Variants in SLK observed in about 807,000 individuals in gnomAD.
The protein encoded by SLK is STE20-like serine/threonine-protein kinase.
Under a neutral mutation model 147.7 loss-of-function variants are expected in SLK, and 67 were observed. The ratio of observed to expected loss-of-function variants is 0.45; its 90% CI spans 0.37 to 0.56. The LOEUF is 0.56. Ranked by LOEUF, SLK falls within the 20% of genes least tolerant of loss-of-function variation. SLK has a pLI of 0.00. For missense variants in SLK, 1,136 were observed against 1,438.8 expected (o/e 0.79, Z 3.41); for synonymous variants, 441 against 475.0 (o/e 0.93, Z 0.93).
chr10:103,996,149 C>T (rs1844169112), intron 4 of SLK, among the ~76,000 whole-genome samples: 1 of 152,140 alleles, frequency 6.6e-6, no homozygotes, highest in East Asian at 1.9e-4. Context: ...ATAGTGATAA[C>T]AGTTGTACCC....
rs1416812760 is a variant in SLK at position 104,028,870 on chromosome 10, T to C, written c.*3150T>C. The C allele has an allele frequency of 3.3e-5, 5 of 152,356 alleles. No homozygotes were observed. Among genetic ancestry groups the C allele is most frequent in the African/African-American group, 9.6e-5 (4 of 41,580 alleles). The allele number at this position is 152,356 out of a possible 1,614,324, so 9.4% of individuals were successfully genotyped here. On this transcript the variant is annotated 3_prime_UTR_variant, in exon 19 of 19. Coordinates refer to ENST00000369755, the MANE Select transcript of SLK (RefSeq NM_014720.4). Reference sequence around the variant, plus strand: ...TGAAAGAAGAGAGTTCCAGTTCTAATAGTCTTTTGATTAACAATTCTTTTC... The same window carrying C: ...TGAAAGAAGAGAGTTCCAGTTCTAACAGTCTTTTGATTAACAATTCTTTTC...
At position 104,018,906 on chromosome 10, in the gene SLK, A is replaced by G; in HGVS notation, c.3130A>G (p.Lys1044Glu). The change falls in exon 15 of 19, where the codon AAG becomes GAG. Residue 1044 changes from lysine to glutamate, a missense_variant and splice_region_variant. Transcript: ENST00000369755. ...QRHQLLKRHE[K>E]ETEQMQRYNQ... ...ACATCAGCTACTTAAGCGCCACGAG[A>G]AGGTTAATGAAAGGAAAATTTCTTC... 4 of 1,561,754 alleles carry G rather than the reference A, an allele frequency of 2.6e-6. No homozygotes were observed. Among genetic ancestry groups the G allele is most frequent in the Non-Finnish European group, 2.6e-6 (3 of 1,159,002 alleles).
In SLK at chr10:103,997,936, A is replaced by G. The variant is rs564449764; in HGVS notation, c.515-963A>G. On this transcript the variant is annotated intron_variant, in intron 4 of 18. Coordinates refer to ENST00000369755, the MANE Select transcript of SLK (RefSeq NM_014720.4). ...AATGTGTACCTTATCAATATACTGA[A>G]GGTTTAGGAATTGTAAAATAATATT... Among the ~76,000 whole-genome samples, 35 of 152,304 alleles carry G rather than the reference A, an allele frequency of 2.3e-4. 1 individual carries two copies. The highest frequency in any genetic ancestry group is 4.9e-4 in the Non-Finnish European group (33 of 68,018).
At position 104,003,498 on chromosome 10, in the gene SLK, A is replaced by G; in HGVS notation, c.2320A>G (p.Thr774Ala). 3 of 1,591,384 alleles carry G rather than the reference A, an allele frequency of 1.9e-6. No homozygotes were observed. Among genetic ancestry groups the G allele is most frequent in the Non-Finnish European group, 2.6e-6 (3 of 1,170,134 alleles). ...NLSISSFLSKTKDSGSISLQE... is the reference protein window; with the variant it reads ...NLSISSFLSKAKDSGSISLQE... ...ATCCATCTCTAGCTTTCTAAGTAAAACTAAAGACAGTGGATCGATATCTTT... is the reference window on the plus strand; with the variant it reads ...ATCCATCTCTAGCTTTCTAAGTAAAGCTAAAGACAGTGGATCGATATCTTT... Residue 774 changes from threonine (T) to alanine (A), a missense_variant, in exon 9 of 19, where the codon ACT becomes GCT. Around this residue, in one of 6 missense-constraint regions of SLK, gnomAD observed 516 missense variants for 531.3 expected, o/e 0.97. Coordinates refer to ENST00000369755, the MANE Select transcript of SLK (RefSeq NM_014720.4).
rs190782835 is a variant in SLK, at chr10:104,022,218, G to A, written c.3561+485G>A. Among the ~76,000 whole-genome samples, 88 of 152,188 alleles carry A rather than the reference G, an allele frequency of 5.8e-4. 1 individual carries two copies. Among genetic ancestry groups the A allele is most frequent in the African/African-American group, 2.1e-3 (86 of 41,518 alleles). On this transcript the variant is annotated intron_variant, in intron 18 of 18. Transcript: ENST00000369755. The stretch of plus-strand genomic sequence containing the variant: ...GGTGTGTGCCAGTGTGTAGTCATTA[G>A]GGAGGAAGAAAAGGAAGGAAGGAAG...
At chr10:103,975,124 A>G (rs1279267233) in intron 1 of SLK, among the ~76,000 whole-genome samples, 1 of 151,690 alleles carries the variant, frequency 6.6e-6, no homozygotes, top group Non-Finnish European at 1.5e-5. Flanking sequence ...TCTTAAGAGA[A>G]CCGGTCTTCT....
chr10:103,967,678 G>A lies in SLK; in HGVS notation c.-68G>A. 6.7e-7 allele frequency: 1 copy of A among 1,492,606 alleles called. No homozygotes were observed. Among genetic ancestry groups the A allele is most frequent in the Non-Finnish European group, 9.1e-7 (1 of 1,097,958 alleles). The allele number at this position is 1,492,606 out of a possible 1,614,324, so 92.5% of individuals were successfully genotyped here. A position where few individuals can be genotyped will look rare whatever the true frequency, so the allele number is the denominator to read the frequency against. The stretch of plus-strand genomic sequence containing the variant: ...CAGCCGGGCTCGCGCGGGAGAGCAG[G>A]GAAGAGAAACTTTGCCTTTTATTGT... On this transcript the variant is annotated 5_prime_UTR_variant, in exon 1 of 19. Transcript: ENST00000369755.
rs560962203 is a variant in SLK, at chr10:104,025,820, C to T, written c.*100C>T. ...TCAGATAGCTCATGAAGACAATCACCTGCCTCACCTTCTAGGTGTTTTCCT... is the reference window on the plus strand; with the variant it reads ...TCAGATAGCTCATGAAGACAATCACTTGCCTCACCTTCTAGGTGTTTTCCT... On this transcript the variant is annotated 3_prime_UTR_variant, in exon 19 of 19. Coordinates refer to ENST00000369755, the MANE Select transcript of SLK (RefSeq NM_014720.4). The T allele has an allele frequency of 3.0e-6, 3 of 990,408 alleles. No individual in the cohort carries two copies. The highest frequency in any genetic ancestry group is 3.3e-5 in the African/African-American group (2 of 61,036). 61.4% of individuals were successfully genotyped at this position (990,408 alleles called of 1,614,324 possible). A position where few individuals can be genotyped will look rare whatever the true frequency, so the allele number is the denominator to read the frequency against.
intron 1 of SLK, among the ~76,000 whole-genome samples, chr10:103,974,260 T>A (rs777430985): frequency 1.3e-5 from 2 of 152,066 alleles, no homozygotes; most frequent in Non-Finnish European, 2.9e-5. Context: ...AGGGGACACT[T>A]ACCATCTTAC....
intron 1 of SLK, among the ~76,000 whole-genome samples, chr10:103,987,967 G>C (rs530319478): frequency 1.3e-5 from 2 of 152,262 alleles, no homozygotes; most frequent in Non-Finnish European, 2.9e-5. Flanking sequence ...GAAAAGCATA[G>C]ACATTTAATA....
chr10:103,977,820 GC>G (rs1843890730), intron 1 of SLK, among the ~76,000 whole-genome samples: 1 of 152,026 alleles, frequency 6.6e-6, no homozygotes, highest in East Asian at 1.9e-4. Flanking sequence ...CTTATTGAGT[GC>G]TCTTATTGTT....
chr10:104,004,520 G>C (rs947357529), intron 9 of SLK, among the ~76,000 whole-genome samples: 26 of 151,954 alleles, frequency 1.7e-4, no homozygotes, highest in South Asian at 1.2e-3. Flanking sequence ...GCCAACTTTA[G>C]ATTTTAGAGG....
At chr10:103,978,567 T>G (rs1843899938) in intron 1 of SLK, among the ~76,000 whole-genome samples, 1 of 152,188 alleles carries the variant, frequency 6.6e-6, no homozygotes, top group Admixed American at 6.5e-5. Context: ...TTTTTTTTCC[T>G]TAAAGAGCAA....
rs1844620799 is a variant in SLK at position 104,028,029 on chromosome 10, A to G, written c.*2309A>G. 1 of 152,212 alleles carries G rather than the reference A, an allele frequency of 6.6e-6. No homozygotes were observed. 9.4% of individuals were successfully genotyped at this position (152,212 alleles called of 1,614,324 possible). On this transcript the variant is annotated 3_prime_UTR_variant, in exon 19 of 19. Coordinates refer to ENST00000369755, the MANE Select transcript of SLK (RefSeq NM_014720.4). ...CTTAAAGTTATATAAATCTTTTCAAAAAGTGTTTTGTTATAAAATACGCTG... is the reference window on the plus strand; with the variant it reads ...CTTAAAGTTATATAAATCTTTTCAAGAAGTGTTTTGTTATAAAATACGCTG...
intron 11 of SLK, among the ~76,000 whole-genome samples, chr10:104,007,614 A>G (rs1426849946): frequency 1.3e-5 from 2 of 148,746 alleles, no homozygotes; most frequent in East Asian, 3.9e-4. Flanking sequence ...TCTCAAAAAG[A>G]AAAAACAAAC....
At chr10:104,006,066 C>A (rs1329876667) in intron 11 of SLK, 31 bp downstream of exon 11, 10 of 1,592,060 alleles carry the variant, frequency 6.3e-6, no homozygotes, top group Non-Finnish European at 8.5e-6. Context: ...CATTTTATAT[C>A]ATTTTGTGTT....
At chr10:103,983,802 C>A (rs763103066) in intron 1 of SLK, among the ~76,000 whole-genome samples, 3 of 152,098 alleles carry the variant, frequency 2.0e-5, no homozygotes, top group Non-Finnish European at 2.9e-5. Context: ...TGGCTGGTAC[C>A]CTGTTCCTCA....
intron 4 of SLK, among the ~76,000 whole-genome samples, chr10:103,995,634 C>T (rs181071850): frequency 2.0e-5 from 3 of 151,914 alleles, no homozygotes; most frequent in South Asian, 2.1e-4. Flanking sequence ...CCATGTTGAC[C>T]GGGCTGGTCT....
intron 11 of SLK, among the ~76,000 whole-genome samples, chr10:104,007,413 C>G (rs1844341006): frequency 6.6e-6 from 1 of 152,026 alleles, no homozygotes; most frequent in Admixed American, 6.6e-5. Context: ...CGAGACCAAC[C>G]TGGCAAACAT....
Sources: allele counts gnomAD v4.1 joint callset (sites outside exome capture counted in the v4.1 genomes callset), GRCh38; gene constraint gnomAD v4.1.1; regional missense constraint gnomAD v4.1.1; transcripts MANE v1.5; gene names NCBI Gene and HGNC (gene_info 2026-07-23, HGNC 2026-07-21).